CLPB: variants seen among roughly 807,000 people sequenced by gnomAD.
CLPB encodes the protein mitochondrial disaggregase.
Under a neutral mutation model 78.4 loss-of-function variants are expected in CLPB, and 40 were observed. The observed-to-expected ratio is 0.51, with a 90% confidence interval of 0.40 to 0.66. The LOEUF is 0.66. CLPB is among the 30% of genes least tolerant of loss of function. The probability of loss-of-function intolerance (pLI) is 0.00; values close to 1 mark genes in which losing one functional copy is unlikely to be tolerated. For missense variants in CLPB, 780 were observed against 886.9 expected, an observed-to-expected ratio of 0.88 and a Z score of 1.53; for synonymous variants, 333 against 348.0, an observed-to-expected ratio of 0.96 and a Z score of 0.48.
At chr11:72,379,081 T>C (rs1854815052) in intron 4 of CLPB, among the ~76,000 whole-genome samples, 2 of 152,136 alleles carry the variant, frequency 1.3e-5, no homozygotes, top group African/African-American at 4.8e-5. Context: ...TGGACACTCC[T>C]CTCATGCCAC....
intron 2 of CLPB, among the ~76,000 whole-genome samples, chr11:72,414,627 C>G (rs1335944543): frequency 2.0e-5 from 3 of 152,214 alleles, no homozygotes; most frequent in Non-Finnish European, 4.4e-5. Flanking sequence ...TGGGCATTGA[C>G]AGACACCGAA....
chr11:72,316,211 G>A (rs1949938859), intron 7 of CLPB, among the ~76,000 whole-genome samples: 1 of 152,158 alleles, frequency 6.6e-6, no homozygotes, highest in Non-Finnish European at 1.5e-5. Flanking sequence ...CACCTGAAGG[G>A]CCTGTTAACA....
At chr11:72,388,281 C>T (rs1326677478) in intron 3 of CLPB, among the ~76,000 whole-genome samples, 1 of 145,632 alleles carries the variant, frequency 6.9e-6, no homozygotes, top group East Asian at 2.0e-4. Flanking sequence ...GACAGAATCT[C>T]GCTTTGTCGC....
At chr11:72,346,603 G>A (rs1320045100) in intron 5 of CLPB, among the ~76,000 whole-genome samples, 1 of 151,450 alleles carries the variant, frequency 6.6e-6, no homozygotes, top group African/African-American at 2.4e-5. Context: ...AAAAAAAGAT[G>A]GAGATATGCC....
At chr11:72,301,989 AG>A (rs1439725373) in intron 10 of CLPB, 25 bp from the exon 11 acceptor site, 1 of 1,611,320 alleles carries the variant, frequency 6.2e-7, no homozygotes, top group Non-Finnish European at 8.5e-7. Context: ...GAAACATGCT[AG>A]GAAGGCCTTT....
At chr11:72,346,699 C>T (rs763364950) in intron 5 of CLPB, among the ~76,000 whole-genome samples, 9 of 151,824 alleles carry the variant, frequency 5.9e-5, no homozygotes, top group Non-Finnish European at 1.3e-4. Context: ...AAGTACCCAC[C>T]GAGCGTGGTG....
chr11:72,294,767 T>A, intron 12 of CLPB, 74 bp from the exon 13 acceptor site: 1 of 1,263,360 alleles, frequency 7.9e-7, no homozygotes, highest in Non-Finnish European at 1.2e-6. Flanking sequence ...CCCCTTGGCC[T>A]GCCCATGGAA....
At chr11:72,319,016 G>A (rs532995265) in intron 6 of CLPB, among the ~76,000 whole-genome samples, 15 of 152,234 alleles carry the variant, frequency 9.9e-5, no homozygotes, top group Admixed American at 2.6e-4. Context: ...CATGGAAGGA[G>A]CCTGAAGGGA....
chr11:72,366,215 C>CTTGTT (rs58149853), intron 4 of CLPB, among the ~76,000 whole-genome samples: 14,561 of 151,826 alleles, frequency 0.096, 1,349 homozygotes, highest in African/African-American at 0.24. Flanking sequence ...GGTCTTTTGT[C>CTTGTT]TTGTTTTGTT....
intron 4 of CLPB, among the ~76,000 whole-genome samples, chr11:72,379,977 G>A (rs943890583): frequency 4.6e-5 from 7 of 152,174 alleles, no homozygotes; most frequent in African/African-American, 7.2e-5. Context: ...ACTCATCTGC[G>A]GCTCTCCAGG....
chr11:72,302,140 G>A (rs1949667296), intron 10 of CLPB, 164 bp downstream of exon 10: 1 of 967,784 alleles, frequency 1.0e-6, no homozygotes, highest in African/African-American at 1.6e-5. Context: ...ATTCTTCAGA[G>A]CAAATCCTAT....
At chr11:72,331,264 C>T (rs1950220442) in intron 5 of CLPB, among the ~76,000 whole-genome samples, 1 of 151,666 alleles carries the variant, frequency 6.6e-6, no homozygotes, top group African/African-American at 2.4e-5. Context: ...ATTAGCCGGG[C>T]GTGGTGGTAG....
In CLPB at chr11:72,422,690, G is replaced by C. The variant is rs192687770; in HGVS notation, c.455+7622C>G. On this transcript the variant is annotated intron_variant, in intron 2 of 15. Coordinates refer to ENST00000538039, the MANE Select transcript of CLPB (RefSeq NM_001258392.3). Reference sequence around the variant, plus strand: ...CTGATTAAGAGAGCTGGATGTTTTGGTTGCTCTGATGCCATCATTAATATC... The same window carrying C: ...CTGATTAAGAGAGCTGGATGTTTTGCTTGCTCTGATGCCATCATTAATATC... Among the ~76,000 whole-genome samples, 364 of 152,270 alleles carry C rather than the reference G, an allele frequency of 2.4e-3. 1 individual carries two copies. The highest frequency in any genetic ancestry group is 3.3e-3 in the Non-Finnish European group (227 of 68,014).
chr11:72,346,221 A>C (rs558618529), intron 5 of CLPB, among the ~76,000 whole-genome samples: 1 of 152,320 alleles, frequency 6.6e-6, no homozygotes, highest in African/African-American at 2.4e-5. Context: ...CAGGAGTTTG[A>C]GAGCAGCCTG....
chr11:72,407,375 G>A (rs902281414), intron 2 of CLPB, among the ~76,000 whole-genome samples: 2 of 152,170 alleles, frequency 1.3e-5, no homozygotes, highest in African/African-American at 4.8e-5. Context: ...TGGGTGTAAA[G>A]GGCTATTATA....
rs1565413587 is a variant in CLPB, at chr11:72,286,221, C to CTTTTTTTTTTTT, written c.*7145_*7146insAAAAAAAAAAAA. ...AGATTACAGGTGTGAGATACTGCAC[C>CTTTTTTTTTTTT]TGTTTTTTTTTTTTTTTTTTTTTTT... On this transcript the variant is annotated 3_prime_UTR_variant, in exon 16 of 16. Transcript: ENST00000538039. 2 of 59,134 alleles carry CTTTTTTTTTTTT rather than the reference C, an allele frequency of 3.4e-5. No individual in the cohort carries two copies. Among genetic ancestry groups the CTTTTTTTTTTTT allele is most frequent in the African/African-American group, 1.5e-4 (2 of 12,988 alleles). 3.7% of individuals were successfully genotyped at this position (59,134 alleles called of 1,614,324 possible). A position where few individuals can be genotyped will look rare whatever the true frequency, so the allele number is the denominator to read the frequency against.
At chr11:72,295,819 C>T (rs1337823502) in intron 11 of CLPB, among the ~76,000 whole-genome samples, 171 bp from the exon 12 acceptor site, 1 of 152,230 alleles carries the variant, frequency 6.6e-6, no homozygotes, top group Non-Finnish European at 1.5e-5. Flanking sequence ...AGACTTGCAC[C>T]TTGGCTGCTG....
intron 2 of CLPB, among the ~76,000 whole-genome samples, chr11:72,422,233 T>TA (rs1406985000): frequency 8.7e-6 from 1 of 114,322 alleles, no homozygotes; most frequent in African/African-American, 3.4e-5. Context: ...GCCACTGCAC[T>TA]CCAGCCTGGG....
At chr11:72,404,954 T>C (rs866314412) in intron 2 of CLPB, among the ~76,000 whole-genome samples, 5 of 152,328 alleles carry the variant, frequency 3.3e-5, no homozygotes, top group Middle Eastern at 6.8e-3. Context: ...GAACCCTGTC[T>C]AATTTACAAA....
Sources: allele counts gnomAD v4.1 joint callset (sites outside exome capture counted in the v4.1 genomes callset), GRCh38; gene constraint gnomAD v4.1.1; transcripts MANE v1.5; gene names NCBI Gene and HGNC (gene_info 2026-07-23, HGNC 2026-07-21).